The following ZBTB7C variants were observed in gnomAD, a reference collection of about 807,000 sequenced individuals.
The protein encoded by ZBTB7C is zinc finger and BTB domain-containing protein 7C.
Under a neutral mutation model 25.7 loss-of-function variants are expected in ZBTB7C, and 8 were observed. The ratio of observed to expected loss-of-function variants is 0.31; its 90% confidence interval spans 0.18 to 0.56. The LOEUF (loss-of-function observed/expected upper bound fraction) is 0.56. Ranked by LOEUF, ZBTB7C falls within the 20% of genes least tolerant of loss-of-function variation. ZBTB7C has a pLI of 0.91. For missense variants in ZBTB7C, 824 were observed against 855.2 expected, an observed-to-expected ratio of 0.96 and a Z score of 0.46; for synonymous variants, 394 against 369.0, an observed-to-expected ratio of 1.07 and a Z score of -0.78.
At chr18:48,286,996 A>G (rs928176310) in intron 2 of ZBTB7C, among the ~76,000 whole-genome samples, 6 of 152,016 alleles carry the variant, frequency 3.9e-5, no homozygotes, top group Non-Finnish European at 8.8e-5. Flanking sequence ...GGTTGCAGGA[A>G]AAACAAACAA....
intron 2 of ZBTB7C, among the ~76,000 whole-genome samples, chr18:48,273,808 T>A (rs2044560344): frequency 6.6e-6 from 1 of 152,094 alleles, no homozygotes; most frequent in African/African-American, 2.4e-5. Context: ...CCACAAGAAA[T>A]ATGCCAAAAT....
intron 3 of ZBTB7C, among the ~76,000 whole-genome samples, chr18:48,094,611 G>C (rs1366610223): frequency 6.6e-6 from 1 of 152,068 alleles, no homozygotes; most frequent in East Asian, 1.9e-4. Context: ...AATTCTGAGA[G>C]GACATTTTTT....
chr18:48,221,404 T>C (rs996401283), intron 2 of ZBTB7C, among the ~76,000 whole-genome samples: 15 of 134,282 alleles, frequency 1.1e-4, no homozygotes, highest in African/African-American at 4.6e-4. Context: ...TACACTGTCC[T>C]AGTCTCCCTC....
At chr18:48,316,524 T>C (rs940444132) in intron 2 of ZBTB7C, among the ~76,000 whole-genome samples, 1 of 152,230 alleles carries the variant, frequency 6.6e-6, no homozygotes, top group Non-Finnish European at 1.5e-5. Context: ...TGTTGGACCA[T>C]GGGAGTGGAT....
At chr18:48,096,302 G>A (rs1006234486) in intron 3 of ZBTB7C, among the ~76,000 whole-genome samples, 2 of 152,072 alleles carry the variant, frequency 1.3e-5, no homozygotes, top group African/African-American at 4.8e-5. Context: ...CCTTCAAGAC[G>A]GTCACAAGCT....
At chr18:48,214,020 G>A (rs1006683682) in intron 2 of ZBTB7C, among the ~76,000 whole-genome samples, 4 of 152,228 alleles carry the variant, frequency 2.6e-5, no homozygotes, top group Admixed American at 6.5e-5. Flanking sequence ...CGGACACCGT[G>A]TGCAGGCACC....
chr18:48,041,216 A>C, intron 3 of ZBTB7C, 93 bp from the exon 4 acceptor site: 1 of 1,459,852 alleles, frequency 6.9e-7, no homozygotes, highest in East Asian at 2.4e-5. Flanking sequence ...CCTTGGCATA[A>C]GGGCTCCCTG....
intron 2 of ZBTB7C, among the ~76,000 whole-genome samples, chr18:48,256,451 A>C (rs1426955021): frequency 6.7e-6 from 1 of 149,580 alleles, no homozygotes; most frequent in Non-Finnish European, 1.5e-5. Flanking sequence ...AGGTAAAATA[A>C]AGACTTTTTC....
chr18:48,327,445 G>C (rs1598879737), intron 2 of ZBTB7C, among the ~76,000 whole-genome samples: 1 of 152,178 alleles, frequency 6.6e-6, no homozygotes, highest in East Asian at 1.9e-4. Context: ...TGAGTCAGGA[G>C]ATAGGAGTTC....
chr18:48,263,708 A>G (rs1454182552), intron 2 of ZBTB7C, among the ~76,000 whole-genome samples: 1 of 151,996 alleles, frequency 6.6e-6, no homozygotes, highest in African/African-American at 2.4e-5. Context: ...AAAAAAAAAA[A>G]ACTCAGCAGA....
chr18:48,127,922 G>A (rs555638424), intron 3 of ZBTB7C, among the ~76,000 whole-genome samples: 34 of 152,320 alleles, frequency 2.2e-4, no homozygotes, highest in Middle Eastern at 3.4e-3. Context: ...CCACAGCTGC[G>A]TGTCCACAAG....
chr18:48,281,088 G>A (rs188098897), intron 2 of ZBTB7C, among the ~76,000 whole-genome samples: 6 of 151,966 alleles, frequency 3.9e-5, no homozygotes, highest in South Asian at 2.1e-4. Flanking sequence ...CCCTGACCTC[G>A]GGTGATTCAC....
At chr18:48,291,400 A>G (rs1297723762) in intron 2 of ZBTB7C, among the ~76,000 whole-genome samples, 1 of 152,194 alleles carries the variant, frequency 6.6e-6, no homozygotes, top group East Asian at 1.9e-4. Flanking sequence ...AAACTATTCC[A>G]TAAAGGTGTT....
chr18:48,166,279 A>G (rs1478007401), intron 3 of ZBTB7C, among the ~76,000 whole-genome samples: 1 of 152,112 alleles, frequency 6.6e-6, no homozygotes, highest in Non-Finnish European at 1.5e-5. Context: ...TCTACTTTTC[A>G]TCTCTAAGAA....
intron 1 of ZBTB7C, among the ~76,000 whole-genome samples, chr18:48,376,642 G>T (rs2145189697): frequency 6.6e-6 from 1 of 152,362 alleles, no homozygotes; most frequent in East Asian, 1.9e-4. Flanking sequence ...GCAGCCTGGA[G>T]GCTGTCACTC....
intron 3 of ZBTB7C, among the ~76,000 whole-genome samples, chr18:48,119,328 A>G (rs1219877480): frequency 6.6e-6 from 1 of 152,256 alleles, no homozygotes; most frequent in Non-Finnish European, 1.5e-5. Context: ...CCAGGTGAGA[A>G]GGAGCCAGAA....
chr18:48,312,183 A>G (rs1224109678), intron 2 of ZBTB7C, among the ~76,000 whole-genome samples: 1 of 152,202 alleles, frequency 6.6e-6, no homozygotes, highest in African/African-American at 2.4e-5. Context: ...CACATCTTGG[A>G]GATCCAGTCC....
At chr18:48,181,081 A>G (rs1387865821) in intron 3 of ZBTB7C, among the ~76,000 whole-genome samples, 1 of 152,222 alleles carries the variant, frequency 6.6e-6, no homozygotes, top group East Asian at 1.9e-4. Context: ...TAATAAATGT[A>G]AAATGGTTGA....
At chr18:48,348,989 GA>G (rs1036843166) in intron 1 of ZBTB7C, among the ~76,000 whole-genome samples, 1 of 152,168 alleles carries the variant, frequency 6.6e-6, no homozygotes, top group African/African-American at 2.4e-5. Context: ...CTGGCCAAGG[GA>G]AAAAGCCCTG....
Sources: allele counts gnomAD v4.1 joint callset (sites outside exome capture counted in the v4.1 genomes callset), GRCh38; gene constraint gnomAD v4.1.1; transcripts MANE v1.5; gene names NCBI Gene and HGNC (gene_info 2026-07-23, HGNC 2026-07-21).